The following ETV3 variants were observed in gnomAD, a reference collection of about 807,000 sequenced individuals.
ETV3 encodes the protein ETS translocation variant 3.
In ETV3, 8 loss-of-function variants were observed where a neutral mutation model predicts 33.0. The ratio of observed to expected loss-of-function variants is 0.24; its 90% CI spans 0.14 to 0.44. The LOEUF (loss-of-function observed/expected upper bound fraction) is 0.44. Among genes scored for constraint, ETV3 ranks in the 20% least tolerant of loss-of-function variants. ETV3 has a pLI of 1.00. For missense variants in ETV3, 473 were observed against 652.3 expected, an observed-to-expected ratio of 0.73 and a Z score of 2.99; for synonymous variants, 222 against 238.9, an observed-to-expected ratio of 0.93 and a Z score of 0.65.
At chr1:157,129,991 G>T (rs968180715) in intron 4 of ETV3, among the ~76,000 whole-genome samples, 1 of 151,820 alleles carries the variant, frequency 6.6e-6, no homozygotes, top group South Asian at 2.1e-4. Flanking sequence ...CTACAGGTGC[G>T]CACCACCATG....
In ETV3 at chr1:157,124,836, C is replaced by T. The variant is rs912202991; in HGVS notation, c.*5G>A. 4.2e-6 allele frequency: 6 copies of T among 1,436,220 alleles called. No individual in the cohort carries two copies. Among genetic ancestry groups the T allele is most frequent in the Middle Eastern group, 1.8e-4 (1 of 5,420 alleles). The allele number at this position is 1,436,220 out of a possible 1,614,324, so 89.0% of individuals were successfully genotyped here. A position where few individuals can be genotyped will look rare whatever the true frequency, so the allele number is the denominator to read the frequency against. On this transcript the variant is annotated 3_prime_UTR_variant, in exon 5 of 5. Coordinates refer to ENST00000368192, the MANE Select transcript of ETV3 (RefSeq NM_001145312.3). ...GTATAAACAGCTCCTAATCCACTTC[C>T]AGTTCTAAGCATCAGCAGCTGCTGT...
At chr1:157,132,412 T>C (rs1369015494) in intron 4 of ETV3, among the ~76,000 whole-genome samples, 1 of 152,218 alleles carries the variant, frequency 6.6e-6, no homozygotes, top group African/African-American at 2.4e-5. Flanking sequence ...ACCACATTAC[T>C]TCCCAGGGCT....
intron 1 of ETV3, among the ~76,000 whole-genome samples, chr1:157,137,513 C>T (rs1372626780): frequency 2.0e-5 from 1 of 49,532 alleles, no homozygotes; most frequent in Non-Finnish European, 3.3e-5. Context: ...AGGAAAAACA[C>T]ACACACACAC....
chr1:157,130,028 G>A (rs1674932685), intron 4 of ETV3, among the ~76,000 whole-genome samples: 1 of 152,056 alleles, frequency 6.6e-6, no homozygotes, highest in Non-Finnish European at 1.5e-5. Flanking sequence ...ATTTTTAGTA[G>A]AGACAGGGTT....
chr1:157,134,262 T>C, intron 3 of ETV3, 35 bp from the exon 4 acceptor site: 1 of 1,601,780 alleles, frequency 6.2e-7, no homozygotes, highest in Non-Finnish European at 8.5e-7. Flanking sequence ...ATTCGTCTTG[T>C]AGCTACTGAC....
rs1292883798 is a variant in ETV3, at chr1:157,123,221, CCA to C, written c.*1618_*1619del. On this transcript the variant is annotated 3_prime_UTR_variant, in exon 5 of 5. Transcript: ENST00000368192. ...CTCGCTGCTGCGACGCAGATCTGAG[CCA>C]CAGTCAGGTACCAATGTACACGACA... is the stretch of plus-strand genomic sequence containing the variant. 6.6e-6 allele frequency: 1 copy of C among 152,200 alleles called. No individual in the cohort carries two copies. The highest frequency in any genetic ancestry group is 2.4e-5 in the African/African-American group (1 of 41,438). 9.4% of individuals were successfully genotyped at this position (152,200 alleles called of 1,614,324 possible).
At chr1:157,126,967 G>A (rs1254018945) in intron 4 of ETV3, among the ~76,000 whole-genome samples, 3 of 140,604 alleles carry the variant, frequency 2.1e-5, no homozygotes, top group East Asian at 4.3e-4. Flanking sequence ...GGCTGACTGT[G>A]GGGAGGGACA....
In ETV3 at chr1:157,125,768, C is replaced by G. The variant is rs988134605; in HGVS notation, c.612G>C (p.Arg204=). ...LEDGSAADWR[R]GVDPVSSRNA... is the part of the protein sequence containing the mutation. Reference sequence around the variant, plus strand: ...TCCTGGAGGACACGGGATCCACACCCCGGCGCCAGTCAGCAGCTGAGCCAT... The same window carrying G: ...TCCTGGAGGACACGGGATCCACACCGCGGCGCCAGTCAGCAGCTGAGCCAT... Residue 204 remains arginine, a synonymous_variant, in exon 5 of 5, where the codon CGG becomes CGC. Transcript: ENST00000368192. The surrounding 1 kb of genome is among the most constrained non-coding windows in gnomAD (Gnocchi z 4.0). 9 of 1,551,578 alleles carry G rather than the reference C, an allele frequency of 5.8e-6. No individual in the cohort carries two copies. Among genetic ancestry groups the G allele is most frequent in the Non-Finnish European group, 7.8e-6 (9 of 1,146,990 alleles).
chr1:157,135,673 A>G lies in ETV3; in HGVS notation c.82T>C (p.Ser28Pro). 6.2e-7 allele frequency: 1 copy of G among 1,614,088 alleles called. No homozygotes were observed. The highest frequency in any genetic ancestry group is 8.5e-7 in the Non-Finnish European group (1 of 1,180,016). Residue 28 changes from serine (S) to proline (P), a missense_variant, in exon 3 of 5, where the codon TCA (serine) becomes CCA (proline). Ser to Pro is a moderately conservative substitution (Grantham distance 74). Around this residue, in one of 3 missense-constraint regions of ETV3, gnomAD observed 33 missense variants for 37.1 expected, o/e 0.89. Coordinates refer to ENST00000368192, the MANE Select transcript of ETV3 (RefSeq NM_001145312.3). ...TGGATCTGCCGGGAGCCTGGGGATG[A>G]CTCTGTTTTGTAGGCCCAGTCAGGA... is the stretch of plus-strand genomic sequence containing the variant. ...QFPDWAYKTE[S>P]SPGSRQIQLW...
chr1:157,133,955 G>A, intron 4 of ETV3, 157 bp downstream of exon 4: 1 of 1,447,310 alleles, frequency 6.9e-7, no homozygotes, highest in Non-Finnish European at 9.0e-7. Flanking sequence ...CTCCTTATAA[G>A]TGAGATGACT....
intron 4 of ETV3, among the ~76,000 whole-genome samples, chr1:157,132,657 T>C (rs1674994719): frequency 6.6e-6 from 1 of 151,732 alleles, no homozygotes; most frequent in Non-Finnish European, 1.5e-5. Context: ...AAGATTTGAG[T>C]GGCGAGTACA....
At chr1:157,135,281 T>C in intron 3 of ETV3, 190 bp downstream of exon 3, 1 of 686,174 alleles carries the variant, frequency 1.5e-6, no homozygotes, top group Non-Finnish European at 2.4e-6. Context: ...TAACCAAAGA[T>C]ATGCCTTTTC....
chr1:157,137,528 ACACACACACACACTCT>A (rs1272736551), intron 1 of ETV3, among the ~76,000 whole-genome samples: 4 of 151,040 alleles, frequency 2.6e-5, no homozygotes, highest in Non-Finnish European at 5.9e-5. Context: ...ACACACACAC[ACACACACACACACTCT>A]CACACACACA....
At chr1:157,130,121 C>T (rs897758935) in intron 4 of ETV3, among the ~76,000 whole-genome samples, 2 of 152,036 alleles carry the variant, frequency 1.3e-5, no homozygotes, top group African/African-American at 4.8e-5. Context: ...GGATTACAGG[C>T]GTGAGCCACT....
chr1:157,136,302 C>T lies in ETV3; in HGVS notation c.46+5G>A, dbSNP rs202214880. 129 of 1,612,492 alleles carry T rather than the reference C, an allele frequency of 8.0e-5. No homozygotes were observed. Among genetic ancestry groups the T allele is most frequent in the Non-Finnish European group, 1.0e-4 (123 of 1,179,342 alleles). ...GTACATCAGAGATGATTAACTTCTG[C>T]TCACCTCCACCTCCTTCTGGCTTTT... On this transcript the variant is annotated splice_donor_5th_base_variant and intron_variant, in intron 2 of 4. Transcript: ENST00000368192.
At position 157,125,968 on chromosome 1, in the gene ETV3, G is replaced by A. The variant is rs1674827730; in HGVS notation, c.412C>T (p.Gln138Ter). 1 of 1,548,134 alleles carries A rather than the reference G, an allele frequency of 6.5e-7. No homozygotes were observed. Among genetic ancestry groups the A allele is most frequent in the African/African-American group, 1.4e-5 (1 of 72,962 alleles). The change falls in exon 5 of 5, where the codon CAG becomes TAG. Residue 138 changes from glutamine (Q) to a stop codon, truncating the protein, a stop_gained. Transcript: ENST00000368192. LOFTEE classifies it high-confidence loss of function. This position sits in a 1 kb window ranked among gnomAD's most constrained non-coding sequence, Gnocchi z 4.0. ...INIRSSGVVP[Q>*]SAPPVPTASS... ...GCTGTTGGCACTGGTGGTGCACTCT[G>A]AGGAACCACACCTGTGATGGTGGAA...
At chr1:157,133,439 C>T in intron 4 of ETV3, 1 of 985,528 alleles carries the variant, frequency 1.0e-6, no homozygotes, top group East Asian at 1.1e-4. Context: ...AACAAAAAAC[C>T]ACACAACAAC....
At chr1:157,127,220 AC>A (rs970211077) in intron 4 of ETV3, among the ~76,000 whole-genome samples, 3 of 152,222 alleles carry the variant, frequency 2.0e-5, no homozygotes, top group African/African-American at 7.2e-5. Flanking sequence ...AAACTCAAAG[AC>A]CCTATACCTC....
At position 157,125,785 on chromosome 1, in the gene ETV3, C is replaced by G. The variant is rs1421081835; in HGVS notation, c.595G>C (p.Ala199Pro). The change falls in exon 5 of 5, where the codon GCT (alanine) becomes CCT (proline). Residue 199 changes from alanine (A) to proline (P), a missense_variant. This residue lies in a region of ETV3 where 410 missense variants were observed against 520.2 expected (regional missense o/e 0.79). Transcript: ENST00000368192. The surrounding 1 kb of genome is among the most constrained non-coding windows in gnomAD (Gnocchi z 4.0). ...TCCACACCCCGGCGCCAGTCAGCAG[C>G]TGAGCCATCCTCCAGCTCTGAAAGC... Reference protein sequence around the residue: ...TELSELEDGSAADWRRGVDPV... With the variant: ...TELSELEDGSPADWRRGVDPV... 6.4e-7 allele frequency: 1 copy of G among 1,551,604 alleles called. No individual in the cohort carries two copies. The highest frequency in any genetic ancestry group is 2.4e-5 in the East Asian group (1 of 40,924).
Sources: gnomAD v4.1 joint callset for allele counts (sites outside exome capture counted in the v4.1 genomes callset) on GRCh38, gnomAD v4.1.1 for gene constraint, gnomAD v4.1.1 regional missense constraint, Gnocchi (gnomAD v3.1) non-coding constraint, MANE v1.5 for transcripts, NCBI Gene and HGNC (gene_info 2026-07-23, HGNC 2026-07-21) for gene names.